The following SGCZ variants were observed in gnomAD, a reference collection of about 807,000 sequenced individuals.
The protein encoded by SGCZ is zeta-sarcoglycan.
Under a neutral mutation model 41.3 loss-of-function variants are expected in SGCZ, and 40 were observed. That is an observed-to-expected ratio of 0.97 (90% confidence interval 0.75 to 1.26). The LOEUF is 1.26. Among genes scored for constraint, SGCZ ranks in the 50% most tolerant of loss-of-function variants. The pLI is 0.00. For missense variants in SGCZ, 552 were observed against 369.8 expected, an observed-to-expected ratio of 1.49 and a Z score of -4.04; for synonymous variants, 206 against 137.5, an observed-to-expected ratio of 1.50 and a Z score of -3.49.
chr8:14,872,207 T>C (rs546611958), intron 1 of SGCZ, among the ~76,000 whole-genome samples: 2 of 151,928 alleles, frequency 1.3e-5, no homozygotes, highest in African/African-American at 4.8e-5. Context: ...TTAGGAGAAA[T>C]ACCTAATGTA....
At chr8:14,640,670 G>C (rs905034541) in intron 1 of SGCZ, among the ~76,000 whole-genome samples, 1 of 110,676 alleles carries the variant, frequency 9.0e-6, no homozygotes, top group Admixed American at 8.9e-5. Flanking sequence ...GTGTGTGTGT[G>C]TGTATATATT....
chr8:14,727,814 T>C (rs565493203), intron 1 of SGCZ, among the ~76,000 whole-genome samples: 2 of 152,260 alleles, frequency 1.3e-5, no homozygotes, highest in East Asian at 3.9e-4. Context: ...AATAATGTTC[T>C]TTTTAGCTTC....
chr8:15,140,261 G>C (rs1808272196), intron 1 of SGCZ, among the ~76,000 whole-genome samples: 1 of 152,140 alleles, frequency 6.6e-6, no homozygotes, highest in Admixed American at 6.5e-5. Flanking sequence ...CTGGCCTCAA[G>C]TGATCCTCCC....
At chr8:15,233,774 C>T (rs1468937222) in intron 1 of SGCZ, among the ~76,000 whole-genome samples, 2 of 152,060 alleles carry the variant, frequency 1.3e-5, no homozygotes, top group East Asian at 3.8e-4. Context: ...CAGAAGCATA[C>T]CGTTCATGTT....
chr8:14,312,984 T>C (rs916851380), intron 3 of SGCZ, among the ~76,000 whole-genome samples: 21 of 152,276 alleles, frequency 1.4e-4, no homozygotes, highest in Admixed American at 3.9e-4. Flanking sequence ...TTCACTATTG[T>C]AGGAATTTCC....
chr8:15,149,690 T>A (rs1172650792), intron 1 of SGCZ, among the ~76,000 whole-genome samples: 2 of 136,746 alleles, frequency 1.5e-5, no homozygotes, highest in African/African-American at 5.7e-5. Context: ...CTTTAACGAC[T>A]GCTGGTATAA....
At position 14,102,440 on chromosome 8, in the gene SGCZ, G is replaced by C; in HGVS notation, c.680C>G (p.Ala227Gly). Reference protein sequence around the residue: ...MEAPRGVQVSAAAGDFKATCR... With the variant: ...MEAPRGVQVSGAAGDFKATCR... ...GGTGGCCTTGAAGTCTCCTGCAGCA[G>C]CACTCACCTGGACCCCACGGGGAGC... Residue 227 changes from alanine to glycine, a missense_variant, in exon 7 of 8, where the codon GCT becomes GGT. Ala to Gly is a moderately conservative substitution (Grantham distance 60). Coordinates refer to ENST00000382080, the MANE Select transcript of SGCZ (RefSeq NM_139167.4). 6.5e-7 allele frequency: 1 copy of C among 1,536,040 alleles called. No homozygotes were observed. Among genetic ancestry groups the C allele is most frequent in the Non-Finnish European group, 8.8e-7 (1 of 1,130,690 alleles).
intron 3 of SGCZ, among the ~76,000 whole-genome samples, chr8:14,299,846 A>AATATAGT (rs1299807682): frequency 6.7e-6 from 1 of 149,288 alleles, no homozygotes; most frequent in Non-Finnish European, 1.5e-5. Flanking sequence ...GAAGAAAAAG[A>AATATAGT]ATATAGTATC....
intron 2 of SGCZ, among the ~76,000 whole-genome samples, chr8:14,432,620 TA>T (rs1171908557): frequency 6.6e-6 from 1 of 152,078 alleles, no homozygotes; most frequent in Non-Finnish European, 1.5e-5. Flanking sequence ...AAATCCCTAC[TA>T]AAGAACTTAC....
chr8:14,553,101 G>A lies in SGCZ; in HGVS notation c.234+1631C>T, dbSNP rs1803922998. 2.0e-5 allele frequency among the ~76,000 whole-genome samples: 3 copies of A among 152,128 alleles called. No individual in the cohort carries two copies. The South Asian group carries it at 6.2e-4, about 32-fold the overall frequency. ...TAAAGCAGGACAAAAGAATGTGCAGGAGCATAAACATTGCTCCTACCATAC... is the reference window on the plus strand; with the variant it reads ...TAAAGCAGGACAAAAGAATGTGCAGAAGCATAAACATTGCTCCTACCATAC... On this transcript the variant is annotated intron_variant, in intron 2 of 7. Transcript: ENST00000382080.
intron 2 of SGCZ, among the ~76,000 whole-genome samples, chr8:14,456,388 AG>A (rs1275314238): frequency 5.3e-5 from 8 of 152,222 alleles, no homozygotes; most frequent in Non-Finnish European, 1.2e-4. Flanking sequence ...AGCCTGCGCA[AG>A]AAGAGTGAAA....
intron 1 of SGCZ, among the ~76,000 whole-genome samples, chr8:14,865,231 C>T (rs1803887260): frequency 6.6e-6 from 1 of 152,042 alleles, no homozygotes; most frequent in South Asian, 2.1e-4. Context: ...TCTCAACGTC[C>T]TGCGTCCAGG....
At chr8:14,263,136 C>T (rs1301177754) in intron 3 of SGCZ, among the ~76,000 whole-genome samples, 1 of 152,060 alleles carries the variant, frequency 6.6e-6, no homozygotes, top group Non-Finnish European at 1.5e-5. Context: ...TTAAACACTA[C>T]AAACTAAAAA....
chr8:14,683,408 T>C (rs1030881427), intron 1 of SGCZ, among the ~76,000 whole-genome samples: 11 of 152,036 alleles, frequency 7.2e-5, no homozygotes, highest in Non-Finnish European at 7.4e-5. Context: ...AATTTAAGAA[T>C]TGGAAAAAAC....
At chr8:14,733,902 C>G (rs1798947774) in intron 1 of SGCZ, among the ~76,000 whole-genome samples, 1 of 152,164 alleles carries the variant, frequency 6.6e-6, no homozygotes, top group Admixed American at 6.6e-5. Flanking sequence ...TTTTGCTCCT[C>G]TGAGTAGATA....
intron 4 of SGCZ, among the ~76,000 whole-genome samples, chr8:14,186,490 T>G (rs1563173532): frequency 1.3e-5 from 2 of 152,224 alleles, no homozygotes; most frequent in Admixed American, 6.5e-5. Flanking sequence ...CTGGCCCTGG[T>G]TCTTTCATAG....
chr8:14,450,990 CT>C (rs1418758800), intron 2 of SGCZ, among the ~76,000 whole-genome samples: 1 of 152,140 alleles, frequency 6.6e-6, no homozygotes, highest in Admixed American at 6.5e-5. Context: ...ATTCAATGTG[CT>C]GTGCAAAATA....
intron 2 of SGCZ, among the ~76,000 whole-genome samples, chr8:14,359,334 C>A (rs534796743): frequency 3.3e-4 from 50 of 152,100 alleles, no homozygotes; most frequent in African/African-American, 1.2e-3. Flanking sequence ...GACAGAAAAT[C>A]AACAAAGAAA....
At chr8:14,256,084 T>C (rs1285268642) in intron 3 of SGCZ, among the ~76,000 whole-genome samples, 2 of 152,172 alleles carry the variant, frequency 1.3e-5, no homozygotes, top group Non-Finnish European at 2.9e-5. Context: ...AGACCTACTT[T>C]GTTTAATAGA....
Sources: gnomAD v4.1 joint callset for allele counts (sites outside exome capture counted in the v4.1 genomes callset) on GRCh38, gnomAD v4.1.1 for gene constraint, MANE v1.5 for transcripts, NCBI Gene and HGNC (gene_info 2026-07-23, HGNC 2026-07-21) for gene names.